FAM222A: variants seen among roughly 807,000 people sequenced by gnomAD.
The protein encoded by FAM222A is family with sequence similarity 222 member A.
FAM222A carries 7 observed loss-of-function variants against 25.8 expected under a neutral mutation model. That is an observed-to-expected ratio of 0.27 (90% CI 0.15 to 0.51). FAM222A has a LOEUF of 0.51. FAM222A is among the 20% of genes least tolerant of loss of function. The pLI, the probability that FAM222A is intolerant of heterozygous loss-of-function variation, is 0.97. For missense variants in FAM222A, 573 were observed against 640.5 expected, an observed-to-expected ratio of 0.89 and a Z score of 1.14; for synonymous variants, 294 against 298.8, an observed-to-expected ratio of 0.98 and a Z score of 0.17.
intron 2 of FAM222A, among the ~76,000 whole-genome samples, chr12:109,765,683 C>T (rs965218343): frequency 6.6e-6 from 1 of 152,198 alleles, no homozygotes; most frequent in African/African-American, 2.4e-5. Flanking sequence ...GGTTGTGAGC[C>T]CACGAGGTGT....
chr12:109,744,308 C>T, intron 2 of FAM222A, 80 bp downstream of exon 2: 1 of 1,513,480 alleles, frequency 6.6e-7, no homozygotes, highest in Non-Finnish European at 8.9e-7. Flanking sequence ...TGTCCACCTA[C>T]CATGGCCCTG....
At chr12:109,734,029 A>T (rs1268932663) in intron 1 of FAM222A, 2 of 152,386 alleles carry the variant, frequency 1.3e-5, no homozygotes, top group Non-Finnish European at 2.9e-5. Context: ...CCTGGGCAAC[A>T]TAGCAAGATC....
At chr12:109,728,850 C>T (rs538964809) in intron 1 of FAM222A, among the ~76,000 whole-genome samples, 13 of 152,266 alleles carry the variant, frequency 8.5e-5, no homozygotes, top group East Asian at 1.9e-4. Flanking sequence ...GAATCAAGTG[C>T]GGGACGCCCA....
At chr12:109,717,707 A>G (rs1887670229) in intron 1 of FAM222A, among the ~76,000 whole-genome samples, 3 of 152,180 alleles carry the variant, frequency 2.0e-5, no homozygotes, top group African/African-American at 7.2e-5. Flanking sequence ...GTAACCCTGG[A>G]CATCTCTTCC....
chr12:109,756,392 CTTTTTTT>C (rs35171962), intron 2 of FAM222A, among the ~76,000 whole-genome samples: 1 of 124,390 alleles, frequency 8.0e-6, no homozygotes, highest in Non-Finnish European at 1.7e-5. Flanking sequence ...AATATGAATG[CTTTTTTT>C]TTTTTTTTTT....
chr12:109,734,852 A>G (rs1888043887), intron 1 of FAM222A: 1 of 152,198 alleles, frequency 6.6e-6, no homozygotes, highest in Non-Finnish European at 1.5e-5. Context: ...ACGCCCCTCT[A>G]CCCTCACTCA....
intron 2 of FAM222A, among the ~76,000 whole-genome samples, chr12:109,760,897 C>T (rs1207736451): frequency 6.6e-6 from 1 of 152,148 alleles, no homozygotes; most frequent in Non-Finnish European, 1.5e-5. Flanking sequence ...CTCAGCAGCT[C>T]AGACTCACGC....
chr12:109,715,104 C>T (rs551240106), intron 1 of FAM222A, among the ~76,000 whole-genome samples: 4 of 152,104 alleles, frequency 2.6e-5, no homozygotes, highest in African/African-American at 4.8e-5. Context: ...TCGGATTCCG[C>T]GGGACCCTGG....
At chr12:109,731,123 C>G (rs753401061) in intron 1 of FAM222A, among the ~76,000 whole-genome samples, 1 of 152,122 alleles carries the variant, frequency 6.6e-6, no homozygotes, top group Non-Finnish European at 1.5e-5. Flanking sequence ...AAACTGAGTT[C>G]TGGGTTTTTG....
chr12:109,761,099 G>A (rs780274507), intron 2 of FAM222A, among the ~76,000 whole-genome samples: 2 of 152,156 alleles, frequency 1.3e-5, no homozygotes, highest in African/African-American at 2.4e-5. Flanking sequence ...TCACACAAGG[G>A]AAAATGAAAG....
intron 1 of FAM222A, among the ~76,000 whole-genome samples, chr12:109,742,594 T>A (rs1267550768): frequency 3.5e-5 from 5 of 141,370 alleles, no homozygotes; most frequent in South Asian, 4.6e-4. Context: ...CATCCTCCAC[T>A]CTCTCTCTCT....
chr12:109,716,625 C>T (rs905528597), intron 1 of FAM222A, among the ~76,000 whole-genome samples: 19 of 152,180 alleles, frequency 1.2e-4, no homozygotes, highest in Non-Finnish European at 2.2e-4. Flanking sequence ...GGGCTGTTTG[C>T]GCTGCCTCTC....
chr12:109,749,137 G>A (rs925479806), intron 2 of FAM222A, among the ~76,000 whole-genome samples: 4 of 151,982 alleles, frequency 2.6e-5, no homozygotes, highest in Admixed American at 6.6e-5. Context: ...ATGGAGTTTC[G>A]CTCTTGTTGC....
chr12:109,769,196 G>C lies in FAM222A; in HGVS notation c.1267G>C (p.Glu423Gln), dbSNP rs766184124. 3.7e-6 allele frequency: 6 copies of C among 1,612,382 alleles called. No individual in the cohort carries two copies. The highest frequency in any genetic ancestry group is 5.1e-6 in the Non-Finnish European group (6 of 1,179,788). Residue 423 changes from glutamate (E) to glutamine (Q), a missense_variant, in exon 3 of 3, where the codon GAG (glutamate) becomes CAG (glutamine). Physicochemically the swap from Glu to Gln is conservative, Grantham distance 29. This residue lies in a region of FAM222A where 49 missense variants were observed against 78.9 expected (regional missense o/e 0.62). Coordinates refer to ENST00000538780, the MANE Select transcript of FAM222A (RefSeq NM_032829.3). Reference protein sequence around the residue: ...INDIRPPCIKEQMLGKGYETV... With the variant: ...INDIRPPCIKQQMLGKGYETV... ...CGACATCCGGCCGCCCTGCATCAAG[G>C]AGCAGATGCTGGGCAAGGGCTATGA... is the stretch of plus-strand genomic sequence containing the variant.
At chr12:109,765,104 C>T (rs981438652) in intron 2 of FAM222A, among the ~76,000 whole-genome samples, 2 of 152,238 alleles carry the variant, frequency 1.3e-5, no homozygotes, top group Non-Finnish European at 2.9e-5. Flanking sequence ...CACTGAAGCT[C>T]ATTTGCCTAG....
chr12:109,766,195 C>T (rs866790604), intron 2 of FAM222A, among the ~76,000 whole-genome samples: 1 of 152,198 alleles, frequency 6.6e-6, no homozygotes, highest in South Asian at 2.1e-4. Flanking sequence ...AACTACATGC[C>T]CAGGGCCATT....
intron 1 of FAM222A, among the ~76,000 whole-genome samples, chr12:109,726,386 C>G (rs1171372875): frequency 6.6e-6 from 1 of 152,190 alleles, no homozygotes; most frequent in Admixed American, 6.5e-5. Context: ...TGCACAGACC[C>G]TGTGAGGGTG....
intron 1 of FAM222A, among the ~76,000 whole-genome samples, chr12:109,732,764 C>T (rs1401089170): frequency 1.3e-5 from 2 of 152,368 alleles, no homozygotes; most frequent in African/African-American, 2.4e-5. Flanking sequence ...ATACATTCCA[C>T]TGCTACATCT....
intron 2 of FAM222A, among the ~76,000 whole-genome samples, chr12:109,756,494 A>G (rs2136370340): frequency 1.3e-5 from 2 of 151,610 alleles, no homozygotes; most frequent in Non-Finnish European, 2.9e-5. Context: ...TGTAGAGGGA[A>G]AGCATTGAGT....
Sources: allele counts gnomAD v4.1 joint callset (sites outside exome capture counted in the v4.1 genomes callset), GRCh38; gene constraint gnomAD v4.1.1; regional missense constraint gnomAD v4.1.1; transcripts MANE v1.5; gene names NCBI Gene and HGNC (gene_info 2026-07-23, HGNC 2026-07-21).